The following SYT1 variants were observed in gnomAD, a reference collection of about 807,000 sequenced individuals.
The protein encoded by SYT1 is synaptotagmin 1, also known as synaptotagmin-1.
Under a neutral mutation model 44.8 loss-of-function variants are expected in SYT1, and 8 were observed. That is an observed-to-expected ratio of 0.18 (90% CI 0.10 to 0.32). The LOEUF (loss-of-function observed/expected upper bound fraction) is 0.32, where lower values mean the gene tolerates loss of function less well. Ranked by LOEUF, SYT1 falls within the 10% of genes least tolerant of loss-of-function variation. The pLI is 1.00. For synonymous variants in SYT1, 154 were observed against 188.8 expected, an observed-to-expected ratio of 0.82 and a Z score of 1.51; for missense variants, 286 against 509.3, an observed-to-expected ratio of 0.56 and a Z score of 4.22.
In SYT1 at chr12:78,939,303, T is replaced by A. The variant is rs144967518; in HGVS notation, c.-216-38496T>A. On this transcript the variant is annotated intron_variant, in intron 1 of 10. Transcript: ENST00000261205. ...CTAGACTCCTGGGATCAAAGTCACC[T>A]TTTGAACTTGCAAAGTAAGCTTCAA... Among the ~76,000 whole-genome samples, 135 of 152,316 alleles carry A rather than the reference T, an allele frequency of 8.9e-4. 1 individual carries two copies. Among genetic ancestry groups the A allele is most frequent in the African/African-American group, 3.1e-3 (127 of 41,584 alleles).
At chr12:79,328,276 G>A (rs1881695420) in intron 8 of SYT1, among the ~76,000 whole-genome samples, 1 of 152,192 alleles carries the variant, frequency 6.6e-6, no homozygotes, top group South Asian at 2.1e-4. Flanking sequence ...AATTAGTTTG[G>A]TTGACTGAGA....
chr12:79,179,029 TATATAGATA>T (rs1872133508), intron 3 of SYT1, among the ~76,000 whole-genome samples: 1 of 16,832 alleles, frequency 5.9e-5, no homozygotes, highest in Non-Finnish European at 9.8e-5. Context: ...TAGATATAGA[TATATAGATA>T]TAGATATAGA....
At position 79,339,146 on chromosome 12, in the gene SYT1, T is replaced by C. The variant is rs549123214; in HGVS notation, c.811-14356T>C. On this transcript the variant is annotated intron_variant, in intron 8 of 10. Transcript: ENST00000261205. ...ATAAACATACGTGTGCATGTGTCTT[T>C]ATAGCAGCATGATTTATAATCCTTT... Among the ~76,000 whole-genome samples the C allele has an allele frequency of 6.6e-5, 10 of 152,344 alleles. No individual in the cohort carries two copies. In the East Asian group the frequency reaches 1.9e-3, roughly 29 times the overall value.
chr12:79,347,967 A>G (rs1882682290), intron 8 of SYT1, among the ~76,000 whole-genome samples: 1 of 152,186 alleles, frequency 6.6e-6, no homozygotes, highest in African/African-American at 2.4e-5. Context: ...TCATACCAGT[A>G]TCTAGGAGAA....
rs921231911 is a variant in SYT1 at position 78,978,369 on chromosome 12, G to T, written c.-84+438G>T. Among the ~76,000 whole-genome samples the T allele has an allele frequency of 1.1e-4, 16 of 152,284 alleles. No individual in the cohort carries two copies. The East Asian group carries it at 2.7e-3, about 26-fold the overall frequency. On this transcript the variant is annotated intron_variant, in intron 2 of 10. Coordinates refer to ENST00000261205, the MANE Select transcript of SYT1 (RefSeq NM_005639.3). ...TTTTAGCACGAGTATTGGGTGAGGG[G>T]TTAGAGGGGAGAGCAGAATTTGTCT... is the stretch of plus-strand genomic sequence containing the variant.
chr12:78,893,884 T>C (rs899318764), intron 1 of SYT1, among the ~76,000 whole-genome samples: 5 of 151,672 alleles, frequency 3.3e-5, no homozygotes, highest in African/African-American at 1.2e-4. Flanking sequence ...TCTGCATTTC[T>C]CCTGAAGACC....
At position 79,252,007 on chromosome 12, in the gene SYT1, G is replaced by A. The variant is rs142942400; in HGVS notation, c.167-33780G>A. Among the ~76,000 whole-genome samples, 630 of 149,804 alleles carry A rather than the reference G, an allele frequency of 4.2e-3. 1 individual carries two copies. Among genetic ancestry groups the A allele is most frequent in the African/African-American group, 0.014 (597 of 41,282 alleles). ...TGATAGATAGATAGATAGATAGATA[G>A]ATAATATATAGACAGATGTGTATCT... is the stretch of plus-strand genomic sequence containing the variant. On this transcript the variant is annotated intron_variant, in intron 4 of 10. Transcript: ENST00000261205.
chr12:79,340,071 T>G (rs893412860), intron 8 of SYT1, among the ~76,000 whole-genome samples: 1 of 152,240 alleles, frequency 6.6e-6, no homozygotes, highest in African/African-American at 2.4e-5. Flanking sequence ...TTGGTTACTG[T>G]AGCCTTGTAG....
intron 3 of SYT1, among the ~76,000 whole-genome samples, chr12:79,188,534 T>C (rs1357009089): frequency 1.3e-5 from 2 of 152,092 alleles, no homozygotes; most frequent in African/African-American, 4.8e-5. Context: ...CCTCATGGAG[T>C]TGGAAAAGCA....
chr12:79,032,606 C>T (rs1010795375), intron 2 of SYT1, among the ~76,000 whole-genome samples: 8 of 151,188 alleles, frequency 5.3e-5, no homozygotes, highest in African/African-American at 1.9e-4. Flanking sequence ...AGCATTTAAA[C>T]GATTTCATTA....
intron 8 of SYT1, among the ~76,000 whole-genome samples, chr12:79,348,895 C>CAAAG (rs201568506): frequency 4.0e-5 from 2 of 50,522 alleles, no homozygotes; most frequent in African/African-American, 7.6e-5. Context: ...TGAAAAAAGA[C>CAAAG]AAAGAAAGAA....
intron 1 of SYT1, among the ~76,000 whole-genome samples, chr12:78,972,547 A>G (rs868101491): frequency 3.8e-4 from 57 of 151,274 alleles, no homozygotes; most frequent in African/African-American, 5.1e-4. Flanking sequence ...AAATATATAT[A>G]TATATATTTA....
At chr12:79,178,129 T>C (rs1237906626) in intron 3 of SYT1, among the ~76,000 whole-genome samples, 2 of 152,150 alleles carry the variant, frequency 1.3e-5, no homozygotes, top group Non-Finnish European at 2.9e-5. Context: ...TAATATTCTC[T>C]TCCCAGGATA....
chr12:79,124,547 A>G (rs1868343510), intron 3 of SYT1, among the ~76,000 whole-genome samples: 1 of 152,076 alleles, frequency 6.6e-6, no homozygotes, highest in South Asian at 2.1e-4. Flanking sequence ...CATCATCATC[A>G]CCATTGCCAT....
At chr12:79,221,276 A>G (rs987573452) in intron 4 of SYT1, among the ~76,000 whole-genome samples, 2 of 152,010 alleles carry the variant, frequency 1.3e-5, no homozygotes, top group Non-Finnish European at 2.9e-5. Context: ...TTTGCATTAT[A>G]TATCTTTTTT....
intron 9 of SYT1, among the ~76,000 whole-genome samples, chr12:79,354,442 C>CTT (rs1217465028): frequency 6.6e-6 from 1 of 152,184 alleles, no homozygotes; most frequent in Admixed American, 6.5e-5. Context: ...TTATTCAACA[C>CTT]TTTCTTTAAT....
chr12:79,037,733 A>G (rs1162238040), intron 2 of SYT1, among the ~76,000 whole-genome samples: 1 of 151,878 alleles, frequency 6.6e-6, no homozygotes, highest in Non-Finnish European at 1.5e-5. Context: ...TGTTCCTACC[A>G]GCAACCCCAC....
intron 8 of SYT1, among the ~76,000 whole-genome samples, chr12:79,311,723 A>G (rs1348820515): frequency 2.8e-5 from 4 of 144,704 alleles, no homozygotes; most frequent in Admixed American, 7.0e-5. Context: ...TTGTAGGGAC[A>G]TGGATGAAAT....
At chr12:78,938,560 T>C (rs1407454393) in intron 1 of SYT1, among the ~76,000 whole-genome samples, 1 of 151,950 alleles carries the variant, frequency 6.6e-6, no homozygotes. Context: ...AGTAAAAAGG[T>C]CCTAAAATGG....
Sources: gnomAD v4.1 joint callset for allele counts (sites outside exome capture counted in the v4.1 genomes callset) on GRCh38, gnomAD v4.1.1 for gene constraint, MANE v1.5 for transcripts, NCBI Gene and HGNC (gene_info 2026-07-23, HGNC 2026-07-21) for gene names.